Variants in KLF8 observed in about 807,000 individuals in gnomAD.
KLF8 encodes the protein Krueppel-like factor 8.
Under a neutral mutation model 18.2 loss-of-function variants are expected in KLF8, and 10 were observed. That is an observed-to-expected ratio of 0.55 (90% CI 0.34 to 0.93). The LOEUF (loss-of-function observed/expected upper bound fraction) is 0.93, where lower values mean the gene tolerates loss of function less well. Ranked by LOEUF, KLF8 falls within the 40% of genes least tolerant of loss-of-function variation. KLF8 has a pLI of 0.02. For synonymous variants in KLF8, 109 were observed against 97.3 expected, an observed-to-expected ratio of 1.12 and a Z score of -0.71; for missense variants, 264 against 277.9, an observed-to-expected ratio of 0.95 and a Z score of 0.36.
the KLF8 span, among the ~76,000 whole-genome samples, chrX:55,950,513 A>G: frequency 8.9e-6 from 1 of 111,785 alleles, no homozygotes; most frequent in Non-Finnish European, 1.9e-5. Flanking sequence ...TCTCTAAAGG[A>G]AAGGTGATGA....
At chrX:55,979,962 G>A in the KLF8 span, among the ~76,000 whole-genome samples, 1 of 111,879 alleles carries the variant, frequency 8.9e-6, no homozygotes, top group African/African-American at 3.3e-5. Flanking sequence ...TTTAGAAATA[G>A]TATAGGCCAC....
chrX:56,105,327 C>CATT, the KLF8 span, among the ~76,000 whole-genome samples: 1 of 111,319 alleles, frequency 9.0e-6, no homozygotes, highest in African/African-American at 3.3e-5. Context: ...TAAAGTCTCA[C>CATT]ATTATTATTG....
chrX:56,113,557 T>TTTTTG, the KLF8 span, among the ~76,000 whole-genome samples: 1 of 98,593 alleles, frequency 1.0e-5, no homozygotes, highest in African/African-American at 3.7e-5. Flanking sequence ...AGGGATAGTT[T>TTTTTG]TTTTTTTTTT....
the KLF8 span, among the ~76,000 whole-genome samples, chrX:56,107,966 T>C: frequency 8.9e-6 from 1 of 112,247 alleles, no homozygotes; most frequent in Non-Finnish European, 1.9e-5. Flanking sequence ...TGTATTCTTT[T>C]GAATATTATT....
chrX:56,144,916 C>G, the KLF8 span, among the ~76,000 whole-genome samples: 134 of 107,191 alleles, frequency 1.3e-3, no homozygotes, highest in African/African-American at 4.4e-3. Context: ...CCTTAGCCTC[C>G]CGAGTAGCTG....
intron 1 of KLF8, among the ~76,000 whole-genome samples, chrX:56,238,542 C>G (rs993975822): frequency 6.3e-5 from 7 of 111,879 alleles, no homozygotes; most frequent in Non-Finnish European, 1.3e-4. Context: ...AACCAGCATT[C>G]TCTCTTGGCA....
chrX:55,993,943 C>A, the KLF8 span, among the ~76,000 whole-genome samples: 1 of 98,217 alleles, frequency 1.0e-5, no homozygotes, highest in East Asian at 3.3e-4. Flanking sequence ...TGGAGTCTTG[C>A]TCTGTTGCCC....
the KLF8 span, among the ~76,000 whole-genome samples, chrX:56,082,402 C>T: frequency 2.7e-5 from 3 of 109,903 alleles, no homozygotes; most frequent in Non-Finnish European, 5.7e-5. Context: ...CTTGAAGAAT[C>T]AACTATTGGT....
chrX:55,975,633 T>C, the KLF8 span, among the ~76,000 whole-genome samples: 2 of 111,608 alleles, frequency 1.8e-5, no homozygotes, highest in African/African-American at 6.5e-5. Flanking sequence ...TTGAAATTTT[T>C]AATCATTAAA....
the KLF8 span, among the ~76,000 whole-genome samples, chrX:55,958,857 T>C: frequency 8.9e-6 from 1 of 112,445 alleles, no homozygotes; most frequent in Admixed American, 9.4e-5. Flanking sequence ...TCCCTTCTGG[T>C]GCATGCATCA....
At chrX:55,938,042 C>T in the KLF8 span, among the ~76,000 whole-genome samples, 1 of 110,735 alleles carries the variant, frequency 9.0e-6, no homozygotes, top group Non-Finnish European at 1.9e-5. Context: ...AGATACTCCT[C>T]GAGAAGAGCA....
chrX:56,079,600 G>GA, the KLF8 span, among the ~76,000 whole-genome samples: 6 of 111,534 alleles, frequency 5.4e-5, no homozygotes, highest in African/African-American at 9.8e-5. Flanking sequence ...GTGTGGTGCT[G>GA]AAAAAAATGT....
At chrX:56,114,655 C>CAAA in the KLF8 span, among the ~76,000 whole-genome samples, 1 of 112,547 alleles carries the variant, frequency 8.9e-6, no homozygotes, top group African/African-American at 3.2e-5. Flanking sequence ...TGGGCTAAAT[C>CAAA]AAATAACTTC....
the KLF8 span, among the ~76,000 whole-genome samples, chrX:56,149,443 G>A: frequency 9.1e-6 from 1 of 110,375 alleles, no homozygotes; most frequent in Non-Finnish European, 1.9e-5. Context: ...AAGTGGAGGG[G>A]GGAGTGGGAC....
At chrX:56,149,163 G>T in the KLF8 span, among the ~76,000 whole-genome samples, 9 of 111,693 alleles carry the variant, frequency 8.1e-5, no homozygotes, top group Admixed American at 3.8e-4. Flanking sequence ...AATCAATGAA[G>T]AGAATGGGGC....
chrX:56,079,398 T>C, the KLF8 span, among the ~76,000 whole-genome samples: 14 of 111,790 alleles, frequency 1.3e-4, no homozygotes, highest in African/African-American at 3.9e-4. Flanking sequence ...TTTCGTTATG[T>C]ACCCAGTAGT....
the KLF8 span, among the ~76,000 whole-genome samples, chrX:56,136,032 C>G: frequency 9.0e-6 from 1 of 111,283 alleles, no homozygotes; most frequent in South Asian, 3.7e-4. Flanking sequence ...ACCTAGGAAT[C>G]CAACTTACAA....
In KLF8 at chrX:56,289,255, C is replaced by T. The variant is rs756312223; in HGVS notation, c.*4761C>T. Among the ~76,000 whole-genome samples, 1 of 111,151 alleles carries T rather than the reference C, an allele frequency of 9.0e-6. No homozygotes were observed. Among genetic ancestry groups the T allele is most frequent in the South Asian group, 3.8e-4 (1 of 2,625 alleles). The stretch of plus-strand genomic sequence containing the variant: ...ATTCTCAAGTTCTTTTGACACACCC[C>T]CATCATTTTTTTTTAGCACGTCCTT... On this transcript the variant is annotated 3_prime_UTR_variant, in exon 6 of 6. Transcript: ENST00000468660.
chrX:55,926,053 G>T, the KLF8 span, among the ~76,000 whole-genome samples: 2 of 111,640 alleles, frequency 1.8e-5, no homozygotes, highest in Non-Finnish European at 3.8e-5. Flanking sequence ...TATTCTTGGT[G>T]CCTAGTACAT....
Sources: allele counts gnomAD v4.1 joint callset (sites outside exome capture counted in the v4.1 genomes callset), GRCh38; gene constraint gnomAD v4.1.1; transcripts MANE v1.5; gene names NCBI Gene and HGNC (gene_info 2026-07-23, HGNC 2026-07-21).